The following UNC79 variants were observed in gnomAD, a reference collection of about 807,000 sequenced individuals.
UNC79 encodes protein unc-79 homolog.
In UNC79, 37 loss-of-function variants were observed where a neutral mutation model predicts 283.1. The ratio of observed to expected loss-of-function variants is 0.13; its 90% CI spans 0.10 to 0.17. UNC79 has a LOEUF of 0.17. Ranked by LOEUF, UNC79 falls within the 10% of genes least tolerant of loss-of-function variation. The pLI is 1.00. For synonymous variants in UNC79, 1,107 were observed against 1,200.2 expected (o/e 0.92, Z 1.61); for missense variants, 2,272 against 3,211.1 (o/e 0.71, Z 7.07).
chr14:93,563,029 G>T (rs1261873166), intron 14 of UNC79, among the ~76,000 whole-genome samples: 1 of 152,200 alleles, frequency 6.6e-6, no homozygotes, highest in Non-Finnish European at 1.5e-5. Flanking sequence ...GAGGTTCTAA[G>T]AGACGGGCTA....
chr14:93,462,932 A>G (rs191309298), intron 1 of UNC79, among the ~76,000 whole-genome samples: 2 of 152,216 alleles, frequency 1.3e-5, no homozygotes, highest in Admixed American at 6.5e-5. Flanking sequence ...ACAGCTACCC[A>G]CCTGGGATGG....
chr14:93,375,244 ATGG>A (rs2054530977), intron 1 of UNC79, among the ~76,000 whole-genome samples: 1 of 152,096 alleles, frequency 6.6e-6, no homozygotes, highest in Non-Finnish European at 1.5e-5. Flanking sequence ...TTAGCGGGTC[ATGG>A]TGGTGGTGCC....
intron 29 of UNC79, among the ~76,000 whole-genome samples, chr14:93,619,489 T>C (rs1375973351): frequency 6.6e-6 from 1 of 152,234 alleles, no homozygotes; most frequent in Non-Finnish European, 1.5e-5. Context: ...CAAAGGATAT[T>C]TTTCCAAAAA....
intron 24 of UNC79, among the ~76,000 whole-genome samples, chr14:93,599,680 T>C (rs1330453469): frequency 6.6e-6 from 1 of 152,234 alleles, no homozygotes; most frequent in African/African-American, 2.4e-5. Context: ...AATCTCATTC[T>C]GTTAAAAAGA....
At chr14:93,488,725 A>G (rs544542647) in intron 5 of UNC79, among the ~76,000 whole-genome samples, 2 of 152,322 alleles carry the variant, frequency 1.3e-5, no homozygotes, top group Non-Finnish European at 2.9e-5. Context: ...TCAAGGTGCC[A>G]GCAGAGTTGA....
intron 47 of UNC79, among the ~76,000 whole-genome samples, chr14:93,695,415 T>G (rs954302647): frequency 7.2e-5 from 11 of 152,202 alleles, no homozygotes; most frequent in African/African-American, 2.7e-4. Context: ...GATCATTGGT[T>G]CAAATGGGTT....
intron 1 of UNC79, among the ~76,000 whole-genome samples, chr14:93,432,036 A>T (rs1041074712): frequency 6.6e-6 from 1 of 151,980 alleles, no homozygotes; most frequent in Non-Finnish European, 1.5e-5. Flanking sequence ...ACCTAGATTG[A>T]CTCCTTTCTT....
intron 18 of UNC79, 61 bp from the exon 19 acceptor site, chr14:93,580,088 T>C: frequency 1.4e-6 from 2 of 1,465,620 alleles, no homozygotes; most frequent in Non-Finnish European, 1.8e-6. Flanking sequence ...TGGACCAAAC[T>C]CCTTCTTCTT....
chr14:93,343,762 G>A (rs1015338555), intron 1 of UNC79, among the ~76,000 whole-genome samples: 1 of 148,652 alleles, frequency 6.7e-6, no homozygotes, highest in African/African-American at 2.6e-5. Flanking sequence ...GGGCGAGGGT[G>A]TCTTTCTCAT....
intron 1 of UNC79, among the ~76,000 whole-genome samples, chr14:93,432,392 C>G (rs777295466): frequency 6.6e-6 from 1 of 152,166 alleles, no homozygotes; most frequent in African/African-American, 2.4e-5. Flanking sequence ...TAATTGACCT[C>G]TCTGAACTTT....
At chr14:93,377,783 C>T (rs1388068113) in intron 1 of UNC79, among the ~76,000 whole-genome samples, 1 of 152,094 alleles carries the variant, frequency 6.6e-6, no homozygotes, top group African/African-American at 2.4e-5. Flanking sequence ...TATTATTGCA[C>T]GAAGATGTGT....
At chr14:93,454,119 C>T (rs2056728801) in intron 1 of UNC79, among the ~76,000 whole-genome samples, 1 of 150,790 alleles carries the variant, frequency 6.6e-6, no homozygotes, top group Admixed American at 6.6e-5. Flanking sequence ...CATCATGGCT[C>T]ACAGCATCAA....
chr14:93,693,724 C>T (rs1490069787), intron 46 of UNC79, among the ~76,000 whole-genome samples: 3 of 152,078 alleles, frequency 2.0e-5, no homozygotes, highest in Admixed American at 6.5e-5. Flanking sequence ...GAGAAAGGAT[C>T]AAGATATTAC....
chr14:93,371,079 A>AAAC (rs1314814946), intron 1 of UNC79, among the ~76,000 whole-genome samples: 2 of 151,552 alleles, frequency 1.3e-5, no homozygotes, highest in East Asian at 3.9e-4. Flanking sequence ...AAACAAAACA[A>AAAC]AACAACAACA....
At chr14:93,636,351 C>A (rs2068509095) in intron 31 of UNC79, among the ~76,000 whole-genome samples, 1 of 152,142 alleles carries the variant, frequency 6.6e-6, no homozygotes, top group South Asian at 2.1e-4. Flanking sequence ...CTCGAGTCAC[C>A]AAGTCCTACA....
intron 1 of UNC79, among the ~76,000 whole-genome samples, chr14:93,384,268 C>A (rs1035072619): frequency 3.3e-5 from 5 of 152,178 alleles, no homozygotes; most frequent in Non-Finnish European, 7.3e-5. Context: ...TTTTGAGGAA[C>A]CTCCAAACTG....
At chr14:93,497,941 G>A (rs1030632959) in intron 7 of UNC79, among the ~76,000 whole-genome samples, 1 of 151,808 alleles carries the variant, frequency 6.6e-6, no homozygotes, top group East Asian at 1.9e-4. Context: ...GGCCAAGATC[G>A]CACCACTGCT....
intron 4 of UNC79, among the ~76,000 whole-genome samples, chr14:93,486,506 T>C (rs563125743): frequency 6.6e-6 from 1 of 151,762 alleles, no homozygotes; most frequent in East Asian, 1.9e-4. Context: ...ATACAAAAAT[T>C]AGCCGGGTGT....
At chr14:93,473,179 G>C (rs1423216185) in intron 2 of UNC79, among the ~76,000 whole-genome samples, 1 of 151,904 alleles carries the variant, frequency 6.6e-6, no homozygotes, top group African/African-American at 2.4e-5. Context: ...AATAACGTAA[G>C]TAGCAGCAGT....
Sources: allele counts gnomAD v4.1 joint callset (sites outside exome capture counted in the v4.1 genomes callset), GRCh38; gene constraint gnomAD v4.1.1; transcripts MANE v1.5; gene names NCBI Gene and HGNC (gene_info 2026-07-23, HGNC 2026-07-21).